ECT2: variants seen among roughly 807,000 people sequenced by gnomAD.
ECT2 encodes epithelial cell transforming 2, also known as protein ECT2.
Under a neutral mutation model 116.9 loss-of-function variants are expected in ECT2, and 61 were observed. That is an observed-to-expected ratio of 0.52 (90% CI 0.42 to 0.65). The LOEUF (loss-of-function observed/expected upper bound fraction) is 0.65, where lower values mean the gene tolerates loss of function less well. Ranked by LOEUF, ECT2 falls within the 30% of genes least tolerant of loss-of-function variation. ECT2 has a pLI of 0.00. For missense variants in ECT2, 937 were observed against 1,078.7 expected (o/e 0.87, Z 1.84); for synonymous variants, 358 against 346.4 (o/e 1.03, Z -0.37).
At chr3:172,761,467 G>A (rs1718280807) in intron 7 of ECT2, 143 bp from the exon 8 acceptor site, 1 of 574,184 alleles carries the variant, frequency 1.7e-6, no homozygotes, top group African/African-American at 1.9e-5. Flanking sequence ...TTGGAAGATA[G>A]TTTGTCTGTT....
At chr3:172,807,631 T>C (rs1728017559) in intron 21 of ECT2, 139 bp from the exon 22 acceptor site, 2 of 969,096 alleles carry the variant, frequency 2.1e-6, no homozygotes, top group Non-Finnish European at 3.0e-6. Context: ...CTTTGTCTTA[T>C]TAAAAATAGG....
chr3:172,793,439 C>G (rs914539470), intron 18 of ECT2, among the ~76,000 whole-genome samples: 1 of 151,640 alleles, frequency 6.6e-6, no homozygotes, highest in African/African-American at 2.4e-5. Flanking sequence ...AGGCGTGAGC[C>G]CCCGCGCCCA....
At position 172,798,544 on chromosome 3, in the gene ECT2, A is replaced by T. The variant is rs142500657; in HGVS notation, c.1908-4072A>T. 2.7e-3 allele frequency among the ~76,000 whole-genome samples: 406 copies of T among 152,304 alleles called. 1 individual carries two copies. The highest frequency in any genetic ancestry group is 9.3e-3 in the African/African-American group (387 of 41,582). ...ATCAAGCAGAATAAAAATGAATTAT[A>T]CAAGATTGAATAACTGATGAAGATA... On this transcript the variant is annotated intron_variant, in intron 18 of 24. Coordinates refer to ENST00000392692, the MANE Select transcript of ECT2 (RefSeq NM_001258315.2).
At chr3:172,767,158 A>G (rs1719579160) in intron 12 of ECT2, among the ~76,000 whole-genome samples, 1 of 151,808 alleles carries the variant, frequency 6.6e-6, no homozygotes, top group Non-Finnish European at 1.5e-5. Flanking sequence ...AAAAGCACTC[A>G]GGGGCTGGGC....
Position 172,769,046 on chromosome 3 carries a change from C to G in ECT2, c.1331C>G (p.Thr444Ser), listed in dbSNP as rs890643064. 4 of 1,613,550 alleles carry G rather than the reference C, an allele frequency of 2.5e-6. No individual in the cohort carries two copies. The highest frequency in any genetic ancestry group is 2.5e-6 in the Non-Finnish European group (3 of 1,179,652). Residue 444 changes from threonine to serine, a missense_variant, in exon 13 of 25, where the codon ACT (threonine) becomes AGT (serine). Transcript: ENST00000392692. The stretch of plus-strand genomic sequence containing the variant: ...TGTACTAAGTCTTCTAAAAGCTCCA[C>G]TCCAGTTCCTTCAAAGCAGTCAGCA... ...KSCTKSSKSS[T>S]PVPSKQSARW... is the part of the protein sequence containing the mutation.
chr3:172,790,907 C>T (rs1341064402), intron 18 of ECT2, among the ~76,000 whole-genome samples: 1 of 152,226 alleles, frequency 6.6e-6, no homozygotes, highest in Non-Finnish European at 1.5e-5. Context: ...GTAATCCCAG[C>T]ACTTTGGGAG....
At chr3:172,792,567 A>T (rs1369633785) in intron 18 of ECT2, among the ~76,000 whole-genome samples, 1 of 150,832 alleles carries the variant, frequency 6.6e-6, no homozygotes, top group African/African-American at 2.4e-5. Flanking sequence ...ATCCATTTTC[A>T]TGTTGATGGC....
At chr3:172,828,972 G>T in the ECT2 span, 9 of 1,278,880 alleles carry the variant, frequency 7.0e-6, no homozygotes, top group African/African-American at 1.5e-5. Flanking sequence ...CCAATAAATT[G>T]GTTGCTGTGT....
intron 20 of ECT2, among the ~76,000 whole-genome samples, chr3:172,805,405 G>A (rs144216014): frequency 6.6e-6 from 1 of 152,164 alleles, no homozygotes; most frequent in East Asian, 1.9e-4. Flanking sequence ...AATTCTAGGA[G>A]TTTCATTTAA....
At chr3:172,782,622 T>C (rs1722904291) in intron 15 of ECT2, among the ~76,000 whole-genome samples, 1 of 152,206 alleles carries the variant, frequency 6.6e-6, no homozygotes, top group Non-Finnish European at 1.5e-5. Context: ...ATTGTACAGA[T>C]TGTTTCGTCA....
downstream of ECT2, among the ~76,000 whole-genome samples, chr3:172,825,123 CATT>C (rs1371547988): frequency 9.2e-5 from 14 of 152,060 alleles, no homozygotes; most frequent in African/African-American, 1.4e-4. Context: ...TATACTTTTT[CATT>C]ATTATAACTT....
chr3:172,770,451 T>C (rs904724611), intron 13 of ECT2, among the ~76,000 whole-genome samples: 1 of 152,208 alleles, frequency 6.6e-6, no homozygotes, highest in Admixed American at 6.5e-5. Flanking sequence ...TATAAACTCA[T>C]CAAAGGTTTG....
intron 12 of ECT2, among the ~76,000 whole-genome samples, chr3:172,766,264 A>G (rs1207861174): frequency 6.6e-6 from 1 of 152,230 alleles, no homozygotes; most frequent in East Asian, 1.9e-4. Flanking sequence ...AGAATAATGG[A>G]TAGATCAGTT....
chr3:172,792,030 GGA>G (rs1393367567), intron 18 of ECT2, among the ~76,000 whole-genome samples: 1 of 152,128 alleles, frequency 6.6e-6, no homozygotes, highest in African/African-American at 2.4e-5. Context: ...AGAAGCAAGA[GGA>G]GAGAGAGCGA....
intron 16 of ECT2, among the ~76,000 whole-genome samples, chr3:172,784,297 T>A (rs879662955): frequency 1.3e-5 from 2 of 152,188 alleles, no homozygotes; most frequent in Non-Finnish European, 2.9e-5. Flanking sequence ...AAGTTTTTTT[T>A]AAAGTTTTAT....
At chr3:172,787,160 ACT>A (rs1723745075) in intron 18 of ECT2, among the ~76,000 whole-genome samples, 2 of 151,980 alleles carry the variant, frequency 1.3e-5, no homozygotes, top group Non-Finnish European at 2.9e-5. Flanking sequence ...AGAGTGGAAA[ACT>A]CTCTTACCAT....
chr3:172,769,416 A>G (rs1720192194), intron 13 of ECT2, among the ~76,000 whole-genome samples: 1 of 152,126 alleles, frequency 6.6e-6, no homozygotes, highest in Non-Finnish European at 1.5e-5. Flanking sequence ...TTAATTCAGA[A>G]TTTTGCAGGT....
At chr3:172,752,602 G>A (rs1336430022) in intron 1 of ECT2, 1 of 151,958 alleles carries the variant, frequency 6.6e-6, no homozygotes, top group Non-Finnish European at 1.5e-5. Context: ...GGGCTGGATA[G>A]AATTTATCAT....
intron 20 of ECT2, 49 bp from the exon 21 acceptor site, chr3:172,805,682 C>T: frequency 6.4e-7 from 1 of 1,566,004 alleles, no homozygotes; most frequent in Non-Finnish European, 8.7e-7. Flanking sequence ...AGTATTTGGT[C>T]CTTTTTCTTC....
Sources: gnomAD v4.1 joint callset for allele counts (sites outside exome capture counted in the v4.1 genomes callset) on GRCh38, gnomAD v4.1.1 for gene constraint, MANE v1.5 for transcripts, NCBI Gene and HGNC (gene_info 2026-07-23, HGNC 2026-07-21) for gene names.